Variants in C12orf75 observed in about 807,000 individuals in gnomAD.
C12orf75 encodes chromosome 12 open reading frame 75.
C12orf75 carries 4 observed loss-of-function variants against 11.4 expected under a neutral mutation model. That is an observed-to-expected ratio of 0.35 (90% CI 0.17 to 0.80). The LOEUF is 0.80. C12orf75 is among the 30% of genes least tolerant of loss of function. The pLI, the probability that C12orf75 is intolerant of heterozygous loss-of-function variation, is 0.52. For synonymous variants in C12orf75, 30 were observed against 30.0 expected, an observed-to-expected ratio of 1.00 and a Z score of 0.00; for missense variants, 89 against 80.4, an observed-to-expected ratio of 1.11 and a Z score of -0.41.
At chr12:105,362,666 CAAAAA>C (rs71072606) in intron 2 of C12orf75, among the ~76,000 whole-genome samples, 2 of 105,574 alleles carry the variant, frequency 1.9e-5, no homozygotes, top group African/African-American at 6.8e-5. Flanking sequence ...GACTCCGTCT[CAAAAA>C]AAAAAAAAAA....
chr12:105,356,638 G>C (rs1348257159), intron 2 of C12orf75, among the ~76,000 whole-genome samples: 1 of 152,108 alleles, frequency 6.6e-6, no homozygotes, highest in Non-Finnish European at 1.5e-5. Context: ...GGGAGCTGCT[G>C]TTTCAAATGG....
chr12:105,345,265 G>A (rs1412251575), intron 1 of C12orf75, among the ~76,000 whole-genome samples: 1 of 152,094 alleles, frequency 6.6e-6, no homozygotes, highest in East Asian at 1.9e-4. Flanking sequence ...GAGGTGATTG[G>A]ATTGCCTCTG....
intron 1 of C12orf75, among the ~76,000 whole-genome samples, chr12:105,334,595 A>G (rs932608857): frequency 5.3e-5 from 8 of 152,226 alleles, no homozygotes; most frequent in African/African-American, 1.9e-4. Flanking sequence ...TTTTTTCTGC[A>G]TGGTCTGGAG....
intron 2 of C12orf75, among the ~76,000 whole-genome samples, chr12:105,356,439 CTTTTT>C (rs77310165): frequency 6.6e-5 from 7 of 106,320 alleles, no homozygotes; most frequent in East Asian, 2.6e-4. Context: ...AGACTACAGG[CTTTTT>C]TTTTTTTTTT....
intron 2 of C12orf75, among the ~76,000 whole-genome samples, chr12:105,360,484 C>G (rs1892846529): frequency 6.6e-6 from 1 of 152,150 alleles, no homozygotes; most frequent in Non-Finnish European, 1.5e-5. Flanking sequence ...CTTCTGAAAC[C>G]TAATAGAAAT....
chr12:105,335,156 C>T (rs761790302), intron 1 of C12orf75, among the ~76,000 whole-genome samples: 4 of 152,062 alleles, frequency 2.6e-5, no homozygotes, highest in African/African-American at 7.2e-5. Flanking sequence ...AACAATAGTC[C>T]GAGGGGGAGG....
intron 2 of C12orf75, among the ~76,000 whole-genome samples, chr12:105,355,697 G>C (rs1326508754): frequency 1.3e-5 from 2 of 152,178 alleles, no homozygotes; most frequent in Non-Finnish European, 2.9e-5. Context: ...GTGAGAACAA[G>C]ATGCATATTC....
chr12:105,356,840 T>G (rs1892788261), intron 2 of C12orf75, among the ~76,000 whole-genome samples: 1 of 152,254 alleles, frequency 6.6e-6, no homozygotes, highest in South Asian at 2.1e-4. Context: ...TTTTATGTAT[T>G]AACTTTGAAT....
At chr12:105,344,988 A>C (rs1892620159) in intron 1 of C12orf75, among the ~76,000 whole-genome samples, 1 of 139,616 alleles carries the variant, frequency 7.2e-6, no homozygotes, top group African/African-American at 2.6e-5. Context: ...AATTAAATGG[A>C]CCCCTTCTCT....
intron 2 of C12orf75, among the ~76,000 whole-genome samples, chr12:105,362,203 G>A (rs1015126333): frequency 2.6e-5 from 4 of 151,818 alleles, no homozygotes; most frequent in Non-Finnish European, 5.9e-5. Context: ...TGGCTAAAAC[G>A]GTGAAACCCC....
chr12:105,339,982 TACTC>T (rs928231087), intron 1 of C12orf75, among the ~76,000 whole-genome samples: 9 of 152,126 alleles, frequency 5.9e-5, no homozygotes, highest in Non-Finnish European at 8.8e-5. Context: ...TGGGAGGAAA[TACTC>T]ACATCAATAA....
At chr12:105,369,552 A>T (rs1302281623) in intron 5 of C12orf75, among the ~76,000 whole-genome samples, 1 of 152,106 alleles carries the variant, frequency 6.6e-6, no homozygotes, top group Non-Finnish European at 1.5e-5. Context: ...TCAACCCATC[A>T]TCTAGGTTTT....
rs1566143071 is a variant in C12orf75 at position 105,365,835 on chromosome 12, A to G, written c.100A>G (p.Lys34Glu). 3 of 1,548,732 alleles carry G rather than the reference A, an allele frequency of 1.9e-6. No individual in the cohort carries two copies. In the East Asian group the frequency reaches 7.3e-5, roughly 38 times the overall value. Residue 34 changes from lysine (K) to glutamate (E), a missense_variant, in exon 3 of 6, where the codon AAG becomes GAG. Physicochemically the swap from Lys to Glu is moderately conservative, Grantham distance 56 (BLOSUM62 1). Transcript: ENST00000443585. Reference protein sequence around the residue: ...VTEESVTEDDKRRNYGGVYVG... With the variant: ...VTEESVTEDDERRNYGGVYVG... Reference sequence around the variant, plus strand: ...AGAAGAATCCGTAACAGAAGATGACAAGAGGAGGTATGTTTGGTATTGCAG... The same window carrying G: ...AGAAGAATCCGTAACAGAAGATGACGAGAGGAGGTATGTTTGGTATTGCAG...
intron 2 of C12orf75, among the ~76,000 whole-genome samples, chr12:105,362,666 C>CA (rs71072606): frequency 1.7e-3 from 181 of 105,508 alleles, no homozygotes; most frequent in South Asian, 4.7e-3. Flanking sequence ...GACTCCGTCT[C>CA]AAAAAAAAAA....
chr12:105,355,310 C>T (rs1391424858), intron 2 of C12orf75, among the ~76,000 whole-genome samples: 1 of 151,744 alleles, frequency 6.6e-6, no homozygotes, highest in Admixed American at 6.6e-5. Flanking sequence ...GCTGGGATTA[C>T]AAGCGCATGT....
chr12:105,364,487 C>T (rs1277865162), intron 2 of C12orf75, among the ~76,000 whole-genome samples: 2 of 152,130 alleles, frequency 1.3e-5, no homozygotes, highest in Non-Finnish European at 2.9e-5. Context: ...ATTAAATCTA[C>T]ACTTTCCTTC....
intron 2 of C12orf75, among the ~76,000 whole-genome samples, chr12:105,356,798 C>G (rs552996850): frequency 1.4e-4 from 22 of 152,056 alleles, no homozygotes; most frequent in African/African-American, 5.3e-4. Context: ...ATTTTGACTA[C>G]CATATATTAC....
chr12:105,366,810 T>A, intron 4 of C12orf75, 114 bp downstream of exon 4: 1 of 666,722 alleles, frequency 1.5e-6, no homozygotes, highest in Non-Finnish European at 2.7e-6. Context: ...TTGGTTGCAG[T>A]GAACCATGTA....
At position 105,330,866 on chromosome 12, in the gene C12orf75, G is replaced by A; in HGVS notation, c.-26G>A. On this transcript the variant is annotated 5_prime_UTR_variant, in exon 1 of 6. Coordinates refer to ENST00000443585, the MANE Select transcript of C12orf75 (RefSeq NM_001145199.2). The stretch of plus-strand genomic sequence containing the variant: ...AGGACCCGCGGCCGAGAGCTCCGGA[G>A]CGCGGCTTCCCCGGCCGGCTGCGCG... 8 of 1,254,404 alleles carry A rather than the reference G, an allele frequency of 6.4e-6. No individual in the cohort carries two copies. The highest frequency in any genetic ancestry group is 8.0e-6 in the Non-Finnish European group (8 of 1,000,498). The allele number at this position is 1,254,404 out of a possible 1,614,324, so 77.7% of individuals were successfully genotyped here.
Sources: gnomAD v4.1 joint callset for allele counts (sites outside exome capture counted in the v4.1 genomes callset) on GRCh38, gnomAD v4.1.1 for gene constraint, MANE v1.5 for transcripts, NCBI Gene and HGNC (gene_info 2026-07-23, HGNC 2026-07-21) for gene names.